LANCL3: variants seen among roughly 807,000 people sequenced by gnomAD.
LANCL3 encodes LanC like family member 3.
LANCL3 carries 19 observed loss-of-function variants against 26.5 expected under a neutral mutation model. That is an observed-to-expected ratio of 0.72 (90% CI 0.50 to 1.05). LANCL3 has a LOEUF of 1.05. LANCL3 is among the 50% of genes least tolerant of loss of function. The pLI is 0.00. For missense variants in LANCL3, 318 were observed against 362.7 expected (o/e 0.88, Z 1.00); for synonymous variants, 160 against 166.6 (o/e 0.96, Z 0.30).
At chrX:37,630,636 A>T (rs1252791843) in intron 1 of LANCL3, among the ~76,000 whole-genome samples, 3 of 109,803 alleles carry the variant, frequency 2.7e-5, no homozygotes, top group African/African-American at 1.0e-4. Context: ...TCAATACCTA[A>T]TTTATTGAGA....
At chrX:37,648,207 G>A (rs1442748190) in intron 1 of LANCL3, among the ~76,000 whole-genome samples, 1 of 112,148 alleles carries the variant, frequency 8.9e-6, no homozygotes, top group Non-Finnish European at 1.9e-5. Context: ...CCAAAGCCAC[G>A]ATAGTCATAG....
intron 1 of LANCL3, among the ~76,000 whole-genome samples, chrX:37,629,427 T>C (rs1408895263): frequency 9.1e-5 from 10 of 110,321 alleles, no homozygotes; most frequent in African/African-American, 3.3e-4. Flanking sequence ...TAGTTTCTTT[T>C]GCTGTGCAGA....
chrX:37,630,557 TG>T (rs1253644884), intron 1 of LANCL3, among the ~76,000 whole-genome samples: 1 of 108,431 alleles, frequency 9.2e-6, no homozygotes, highest in Non-Finnish European at 1.9e-5. Flanking sequence ...TTCCAGTTTT[TG>T]CCCATTCAGT....
chrX:37,595,598 C>T (rs895489241), intron 1 of LANCL3, among the ~76,000 whole-genome samples: 2 of 112,289 alleles, frequency 1.8e-5, no homozygotes, highest in Non-Finnish European at 1.9e-5. Context: ...TCCACTTACG[C>T]GTTTCTGTGC....
chrX:37,674,820 C>T (rs782089938), intron 4 of LANCL3, among the ~76,000 whole-genome samples: 4 of 111,157 alleles, frequency 3.6e-5, no homozygotes, highest in Non-Finnish European at 3.8e-5. Context: ...ACAGTATCAG[C>T]GCTTGGGCCT....
At chrX:37,592,292 C>T (rs1387758899) in intron 1 of LANCL3, among the ~76,000 whole-genome samples, 1 of 112,540 alleles carries the variant, frequency 8.9e-6, no homozygotes, top group Non-Finnish European at 1.9e-5. Flanking sequence ...TGTCTCATCA[C>T]GCTGTGCTAA....
chrX:37,639,377 G>A (rs1167370889), intron 1 of LANCL3, among the ~76,000 whole-genome samples: 2 of 106,838 alleles, frequency 1.9e-5, no homozygotes, highest in African/African-American at 3.4e-5. Context: ...TTGAGAGACC[G>A]TATTTTTAAA....
At chrX:37,674,609 T>C (rs1926753216) in intron 4 of LANCL3, among the ~76,000 whole-genome samples, 2 of 111,786 alleles carry the variant, frequency 1.8e-5, no homozygotes, top group Admixed American at 1.9e-4. Context: ...TAGTCTACTG[T>C]TTAAAATTTT....
At chrX:37,582,158 A>G (rs1923915897) in intron 1 of LANCL3, among the ~76,000 whole-genome samples, 1 of 112,101 alleles carries the variant, frequency 8.9e-6, no homozygotes, top group Non-Finnish European at 1.9e-5. Flanking sequence ...TATATGTGCC[A>G]CATTTTCTTA....
intron 1 of LANCL3, among the ~76,000 whole-genome samples, chrX:37,630,977 A>G (rs1278618823): frequency 3.6e-5 from 4 of 111,759 alleles, no homozygotes; most frequent in South Asian, 3.8e-4. Context: ...AAATGAGTTA[A>G]GGAGGATTCC....
rs547255853 is a variant in LANCL3 at position 37,581,603 on chromosome X, T to C, written c.573+9160T>C. Among the ~76,000 whole-genome samples the C allele has an allele frequency of 9.4e-4, 105 of 111,602 alleles. 1 individual carries two copies. In the South Asian group the frequency reaches 0.038, roughly 40 times the overall value. ...TACCTGTTTGACGTAAAGTAGTGCT[T>C]CTCCTCCAACTCTAAATCAATTTAA... On this transcript the variant is annotated intron_variant, in intron 1 of 4. Transcript: ENST00000378619.
At chrX:37,657,925 T>C (rs1198888385) in intron 2 of LANCL3, among the ~76,000 whole-genome samples, 1 of 111,335 alleles carries the variant, frequency 9.0e-6, no homozygotes, top group African/African-American at 3.3e-5. Context: ...AGCTTTAAAG[T>C]TATAGAGTTG....
Position 37,572,113 on chromosome X carries a change from G to A in LANCL3, c.243G>A (p.Gln81=), listed in dbSNP as rs781974338. The A allele has an allele frequency of 7.2e-5, 86 of 1,193,282 alleles. No individual in the cohort carries two copies. Among genetic ancestry groups the A allele is most frequent in the African/African-American group, 1.6e-4 (9 of 57,155 alleles). The change falls in exon 1 of 5, where the codon CAG becomes CAA. Residue 81 remains glutamine (Q), a synonymous_variant. Coordinates refer to ENST00000378619, the MANE Select transcript of LANCL3 (RefSeq NM_001170331.2). ...GVAYMLYHVS[Q]SPLFATARER... is the part of the protein sequence containing the mutation. Reference sequence around the variant, plus strand: ...CGTATATGCTCTACCACGTCTCGCAGAGCCCGCTTTTCGCCACGGCCCGGG... The same window carrying A: ...CGTATATGCTCTACCACGTCTCGCAAAGCCCGCTTTTCGCCACGGCCCGGG...
chrX:37,587,109 C>T (rs182798438), intron 1 of LANCL3, among the ~76,000 whole-genome samples: 3 of 112,684 alleles, frequency 2.7e-5, no homozygotes, highest in African/African-American at 6.4e-5. Context: ...TGCAGAACAG[C>T]GAATATTGCT....
chrX:37,581,799 T>C (rs1923901805), intron 1 of LANCL3, among the ~76,000 whole-genome samples: 1 of 112,161 alleles, frequency 8.9e-6, no homozygotes, highest in Admixed American at 9.4e-5. Context: ...TTTTTTATTA[T>C]ACTTTAAGTT....
At chrX:37,572,551 G>T in intron 1 of LANCL3, 108 bp downstream of exon 1, 1 of 631,594 alleles carries the variant, frequency 1.6e-6, no homozygotes, top group Non-Finnish European at 2.5e-6. Context: ...CCAAGTCTTT[G>T]TTACTCTTGG....
At chrX:37,662,511 A>G (rs1424143194) in intron 3 of LANCL3, among the ~76,000 whole-genome samples, 1 of 111,759 alleles carries the variant, frequency 8.9e-6, no homozygotes, top group Non-Finnish European at 1.9e-5. Context: ...TGTAGTGCGC[A>G]CTGTACAATG....
chrX:37,586,099 T>G (rs782152122), intron 1 of LANCL3, among the ~76,000 whole-genome samples: 6 of 112,005 alleles, frequency 5.4e-5, no homozygotes, highest in South Asian at 3.8e-4. Context: ...GAAAATTCTT[T>G]TCTTTAAGAA....
At chrX:37,635,465 A>G (rs782742488) in intron 1 of LANCL3, among the ~76,000 whole-genome samples, 9 of 111,509 alleles carry the variant, frequency 8.1e-5, no homozygotes, top group Non-Finnish European at 1.3e-4. Flanking sequence ...TCTCCCCCCA[A>G]ATTTTGTCCT....
Sources: allele counts gnomAD v4.1 joint callset (sites outside exome capture counted in the v4.1 genomes callset), GRCh38; gene constraint gnomAD v4.1.1; transcripts MANE v1.5; gene names NCBI Gene and HGNC (gene_info 2026-07-23, HGNC 2026-07-21).